Variants in SLC12A2 observed in about 807,000 individuals in gnomAD.
SLC12A2 encodes solute carrier family 12 member 2, also known as Na-K-2Cl cotransporter 1.
In SLC12A2, 67 loss-of-function variants were observed where a neutral mutation model predicts 136.3. That is an observed-to-expected ratio of 0.49 (90% CI 0.40 to 0.60). The LOEUF (loss-of-function observed/expected upper bound fraction) is 0.60. SLC12A2 is among the 20% of genes least tolerant of loss of function. The pLI is 0.00. For synonymous variants in SLC12A2, 619 were observed against 562.9 expected, an observed-to-expected ratio of 1.10 and a Z score of -1.41; for missense variants, 1,322 against 1,534.7, an observed-to-expected ratio of 0.86 and a Z score of 2.32.
At chr5:128,143,163 G>A (rs1366100239) in intron 10 of SLC12A2, among the ~76,000 whole-genome samples, 2 of 152,000 alleles carry the variant, frequency 1.3e-5, no homozygotes, top group African/African-American at 4.8e-5. Flanking sequence ...CGTCCTGTAT[G>A]TATTTTGTTA....
intron 1 of SLC12A2, chr5:128,109,414 C>G (rs531850978): frequency 2.9e-6 from 1 of 342,908 alleles, no homozygotes; most frequent in African/African-American, 2.1e-5. Flanking sequence ...CCTGCCGAAG[C>G]CTCGGCTGCT....
At chr5:128,134,785 C>T in intron 6 of SLC12A2, among the ~76,000 whole-genome samples, 1 of 151,998 alleles carries the variant, frequency 6.6e-6, no homozygotes, top group East Asian at 1.9e-4. Context: ...GTTTTTGTCT[C>T]TTTGAGAATT....
rs1763910983 is a variant in SLC12A2, at chr5:128,187,693, T to A, written c.*1062T>A. ...TTTTTAGGCTTAATTCATTCAATTGTCAAGTACACTTAGTCTTAATACACT... is the reference window on the plus strand; with the variant it reads ...TTTTTAGGCTTAATTCATTCAATTGACAAGTACACTTAGTCTTAATACACT... On this transcript the variant is annotated 3_prime_UTR_variant, in exon 27 of 27. Transcript: ENST00000262461. The A allele has an allele frequency of 6.6e-6, 1 of 152,580 alleles. No homozygotes were observed. The highest frequency in any genetic ancestry group is 6.5e-5 in the Admixed American group (1 of 15,278). 9.5% of individuals were successfully genotyped at this position (152,580 alleles called of 1,614,324 possible). A position where few individuals can be genotyped will look rare whatever the true frequency, so the allele number is the denominator to read the frequency against.
At chr5:128,162,930 A>T (rs1217151678) in intron 17 of SLC12A2, among the ~76,000 whole-genome samples, 1 of 152,126 alleles carries the variant, frequency 6.6e-6, no homozygotes, top group Admixed American at 6.5e-5. Context: ...TTAAAACATT[A>T]TGAGCTATTT....
At chr5:128,122,927 AGTT>A (rs1379888920) in intron 4 of SLC12A2, among the ~76,000 whole-genome samples, 1 of 152,036 alleles carries the variant, frequency 6.6e-6, no homozygotes, top group Non-Finnish European at 1.5e-5. Flanking sequence ...TGTAAAACAC[AGTT>A]GTATTATGAG....
chr5:128,152,700 C>T lies in SLC12A2; in HGVS notation c.2264-6C>T. ...TTAATGCTGCATGAACATTATCTTC[C>T]CACAGATGTGAATTGGGGATCCTCT... is the stretch of plus-strand genomic sequence containing the variant. On this transcript the variant is annotated splice_polypyrimidine_tract_variant and splice_region_variant and intron_variant, in intron 14 of 26. Transcript: ENST00000262461. 6.4e-7 allele frequency: 1 copy of T among 1,573,870 alleles called. No homozygotes were observed. Among genetic ancestry groups the T allele is most frequent in the Non-Finnish European group, 8.7e-7 (1 of 1,143,684 alleles).
At chr5:128,115,911 A>G (rs1421520208) in intron 4 of SLC12A2, among the ~76,000 whole-genome samples, 1 of 152,190 alleles carries the variant, frequency 6.6e-6, no homozygotes, top group African/African-American at 2.4e-5. Context: ...GGTATCTTGT[A>G]TCAATATGAT....
chr5:128,186,032 C>T (rs1311420265), intron 26 of SLC12A2, among the ~76,000 whole-genome samples: 2 of 151,888 alleles, frequency 1.3e-5, no homozygotes, highest in East Asian at 3.9e-4. Context: ...CCAGCCTGGG[C>T]AATGTATTAA....
At chr5:128,130,146 C>A (rs1761961896) in intron 4 of SLC12A2, among the ~76,000 whole-genome samples, 1 of 151,992 alleles carries the variant, frequency 6.6e-6, no homozygotes, top group Non-Finnish European at 1.5e-5. Flanking sequence ...CGTGGTGGCT[C>A]ACACCTGTGA....
Position 128,138,578 on chromosome 5 carries a change from A to G in SLC12A2, c.1409-19A>G. ...AATTTGCTCTCCATTAATTGTCAAGAATATTTTGTTCTCTGCAGCTGAAAT... is the reference window on the plus strand; with the variant it reads ...AATTTGCTCTCCATTAATTGTCAAGGATATTTTGTTCTCTGCAGCTGAAAT... On this transcript the variant is annotated intron_variant, in intron 7 of 26. Transcript: ENST00000262461. 1 of 1,599,860 alleles carries G rather than the reference A, an allele frequency of 6.3e-7. No individual in the cohort carries two copies. Among genetic ancestry groups the G allele is most frequent in the African/African-American group, 1.4e-5 (1 of 73,960 alleles).
At chr5:128,158,865 G>GTTTTTTTT (rs67676665) in intron 16 of SLC12A2, among the ~76,000 whole-genome samples, 1 of 135,890 alleles carries the variant, frequency 7.4e-6, no homozygotes. Flanking sequence ...CAGCATCTGT[G>GTTTTTTTT]TTTTTTTTTT....
intron 12 of SLC12A2, 104 bp downstream of exon 12, chr5:128,148,981 C>T (rs1002778105): frequency 1.9e-5 from 19 of 1,016,900 alleles, no homozygotes; most frequent in Non-Finnish European, 2.7e-5. Flanking sequence ...TACTAAGTTT[C>T]TTTGTAATCA....
In SLC12A2 at chr5:128,147,554, A is replaced by G. The variant is rs1006883184; in HGVS notation, c.1774-68A>G. 5.1e-6 allele frequency: 5 copies of G among 988,824 alleles called. No homozygotes were observed. In the African/African-American group the frequency reaches 6.4e-5, roughly 13 times the overall value. The allele number at this position is 988,824 out of a possible 1,614,324, so 61.3% of individuals were successfully genotyped here. ...TTAACCTCCTTCAAGATGTGACCACATAATATTGTGTTATTTTCTGAATTG... is the reference window on the plus strand; with the variant it reads ...TTAACCTCCTTCAAGATGTGACCACGTAATATTGTGTTATTTTCTGAATTG... On this transcript the variant is annotated intron_variant, in intron 10 of 26. Coordinates refer to ENST00000262461, the MANE Select transcript of SLC12A2 (RefSeq NM_001046.3).
intron 19 of SLC12A2, among the ~76,000 whole-genome samples, chr5:128,173,767 G>T (rs571270439): frequency 2.0e-5 from 3 of 152,208 alleles, no homozygotes; most frequent in Admixed American, 6.5e-5. Context: ...CTTCATTTAC[G>T]CAAATAAGTG....
At chr5:128,137,140 C>T (rs950440946) in intron 7 of SLC12A2, among the ~76,000 whole-genome samples, 24 of 152,088 alleles carry the variant, frequency 1.6e-4, no homozygotes, top group Admixed American at 7.9e-4. Flanking sequence ...ATGTCATTTG[C>T]GTGTTTATGA....
chr5:128,182,889 T>C lies in SLC12A2; in HGVS notation c.3247T>C (p.Phe1083Leu), dbSNP rs1391538078. ...TTTGCTTAGCAAGTTCCGGATAGAC[T>C]TTTCTGATATCATGGTTCTAGGAGA... Reference protein sequence around the residue: ...ATLLSKFRIDFSDIMVLGDIN... With the variant: ...ATLLSKFRIDLSDIMVLGDIN... The change falls in exon 24 of 27, where the codon TTT (phenylalanine) becomes CTT (leucine). Residue 1083 changes from phenylalanine to leucine, a missense_variant. Around this residue, in one of 8 missense-constraint regions of SLC12A2, gnomAD observed 172 missense variants for 227.4 expected, o/e 0.76. Coordinates refer to ENST00000262461, the MANE Select transcript of SLC12A2 (RefSeq NM_001046.3). The C allele has an allele frequency of 6.2e-7, 1 of 1,611,768 alleles. No individual in the cohort carries two copies. Among genetic ancestry groups the C allele is most frequent in the Non-Finnish European group, 8.5e-7 (1 of 1,178,542 alleles).
intron 1 of SLC12A2, among the ~76,000 whole-genome samples, chr5:128,111,813 C>CCT (rs141588608): frequency 6.8e-6 from 1 of 146,706 alleles, no homozygotes; most frequent in Admixed American, 6.8e-5. Context: ...TGTGTATATA[C>CCT]GTGTGTGTGT....
Position 128,148,823 on chromosome 5 carries a change from C to A in SLC12A2, c.1951C>A (p.Pro651Thr). 1.2e-6 allele frequency: 2 copies of A among 1,608,250 alleles called. No individual in the cohort carries two copies. Among genetic ancestry groups the A allele is most frequent in the Non-Finnish European group, 1.7e-6 (2 of 1,176,770 alleles). Residue 651 changes from proline to threonine, a missense_variant, in exon 12 of 27, where the codon CCT becomes ACT. Pro to Thr is a conservative substitution (Grantham distance 38). Around this residue, in one of 8 missense-constraint regions of SLC12A2, gnomAD observed 294 missense variants for 436.6 expected, o/e 0.67. Coordinates refer to ENST00000262461, the MANE Select transcript of SLC12A2 (RefSeq NM_001046.3). The part of the protein sequence containing the change: ...FAKGYGKNNE[P>T]LRGYILTFLI... ...TAAAGGTTATGGGAAAAATAATGAA[C>A]CTCTTCGTGGCTACATCTTAACATT... is the stretch of plus-strand genomic sequence containing the variant.
chr5:128,104,221 A>G (rs559991585), intron 1 of SLC12A2, among the ~76,000 whole-genome samples: 4 of 152,228 alleles, frequency 2.6e-5, no homozygotes, highest in Non-Finnish European at 4.4e-5. Flanking sequence ...AAAATCCTAG[A>G]TAATGTAGAA....
Sources: gnomAD v4.1 joint callset for allele counts (sites outside exome capture counted in the v4.1 genomes callset) on GRCh38, gnomAD v4.1.1 for gene constraint, gnomAD v4.1.1 regional missense constraint, MANE v1.5 for transcripts, NCBI Gene and HGNC (gene_info 2026-07-23, HGNC 2026-07-21) for gene names.